The following APBB1IP variants were observed in gnomAD, a reference collection of about 807,000 sequenced individuals.
The protein encoded by APBB1IP is amyloid beta A4 precursor protein-binding family B member 1-interacting protein.
In APBB1IP, 27 loss-of-function variants were observed where a neutral mutation model predicts 64.9. The ratio of observed to expected loss-of-function variants is 0.42; its 90% CI spans 0.31 to 0.57. APBB1IP has a LOEUF of 0.57. Among genes scored for constraint, APBB1IP ranks in the 20% least tolerant of loss-of-function variants. The pLI, the probability that APBB1IP is intolerant of heterozygous loss-of-function variation, is 0.20. For missense variants in APBB1IP, 812 were observed against 845.5 expected (o/e 0.96, Z 0.49); for synonymous variants, 392 against 331.0 (o/e 1.18, Z -2.00).
At chr10:26,512,179 T>C (rs936013162) in intron 7 of APBB1IP, among the ~76,000 whole-genome samples, 1 of 152,090 alleles carries the variant, frequency 6.6e-6, no homozygotes, top group African/African-American at 2.4e-5. Context: ...TTCCCTTATA[T>C]GAGATTTAGT....
intron 8 of APBB1IP, among the ~76,000 whole-genome samples, chr10:26,527,994 A>G (rs1836499528): frequency 6.6e-6 from 1 of 151,904 alleles, no homozygotes; most frequent in Admixed American, 6.6e-5. Context: ...GCCTGGCCCC[A>G]CGCCTCTCTT....
chr10:26,458,200 C>A (rs1206542649), intron 2 of APBB1IP, among the ~76,000 whole-genome samples: 1 of 152,132 alleles, frequency 6.6e-6, no homozygotes, highest in Non-Finnish European at 1.5e-5. Flanking sequence ...CTAGCTGGAC[C>A]AACACGGTGA....
chr10:26,567,176 C>T lies in APBB1IP; in HGVS notation c.1689C>T (p.Leu563=). 1 of 1,419,526 alleles carries T rather than the reference C, an allele frequency of 7.0e-7. No homozygotes were observed. Among genetic ancestry groups the T allele is most frequent in the Non-Finnish European group, 9.2e-7 (1 of 1,092,566 alleles). 87.9% of individuals were successfully genotyped at this position (1,419,526 alleles called of 1,614,324 possible). ...CGCCGCCGCCACCGCCGCCGCCCCT[C>T]GATGACCCTGAGCTCCCGCCGCCGC... ...FLPPPPPPPP[L]DDPELPPPPP... Residue 563 remains leucine (L), a synonymous_variant, in exon 15 of 15, where the codon CTC becomes CTT. Transcript: ENST00000376236.
At chr10:26,508,553 T>G (rs996484061) in intron 6 of APBB1IP, among the ~76,000 whole-genome samples, 2 of 152,122 alleles carry the variant, frequency 1.3e-5, no homozygotes, top group Non-Finnish European at 1.5e-5. Flanking sequence ...TTGAATCACT[T>G]TGCCCCATAA....
chr10:26,487,263 C>T (rs1232384676), intron 2 of APBB1IP, among the ~76,000 whole-genome samples: 1 of 151,374 alleles, frequency 6.6e-6, no homozygotes, highest in East Asian at 1.9e-4. Flanking sequence ...TGGAAAATAC[C>T]ACACGTACAT....
chr10:26,468,689 A>G (rs1462528007), intron 2 of APBB1IP, among the ~76,000 whole-genome samples: 2 of 152,204 alleles, frequency 1.3e-5, no homozygotes, highest in African/African-American at 4.8e-5. Flanking sequence ...ACCTAATATA[A>G]CAGTAACTAA....
chr10:26,468,686 A>AT (rs1835675990), intron 2 of APBB1IP, among the ~76,000 whole-genome samples: 1 of 152,216 alleles, frequency 6.6e-6, no homozygotes, highest in African/African-American at 2.4e-5. Context: ...CCAACCTAAT[A>AT]TAACAGTAAC....
At chr10:26,465,252 A>C (rs975609001) in intron 2 of APBB1IP, among the ~76,000 whole-genome samples, 1 of 152,216 alleles carries the variant, frequency 6.6e-6, no homozygotes, top group Non-Finnish European at 1.5e-5. Context: ...GTAGAGCATA[A>C]AATGTGATCA....
chr10:26,488,828 C>T lies in APBB1IP; in HGVS notation c.1-3499C>T, dbSNP rs141564835. Among the ~76,000 whole-genome samples the T allele has an allele frequency of 1.7e-3, 260 of 152,340 alleles. 2 individuals are homozygous for T. The highest frequency in any genetic ancestry group is 5.7e-3 in the African/African-American group (237 of 41,568). ...CCTTCGGTGTTTTTCTCACCTGTTGCTTCTATACCTGGGTGCTCACCTGCC... is the reference window on the plus strand; with the variant it reads ...CCTTCGGTGTTTTTCTCACCTGTTGTTTCTATACCTGGGTGCTCACCTGCC... On this transcript the variant is annotated intron_variant, in intron 2 of 14. Coordinates refer to ENST00000376236, the MANE Select transcript of APBB1IP (RefSeq NM_019043.4).
chr10:26,439,094 G>T (rs1271293271), intron 2 of APBB1IP, among the ~76,000 whole-genome samples: 3 of 152,160 alleles, frequency 2.0e-5, no homozygotes, highest in Admixed American at 6.5e-5. Context: ...TGGGGTTCGG[G>T]TTTGCTTTTT....
intron 4 of APBB1IP, among the ~76,000 whole-genome samples, chr10:26,498,755 C>A (rs1002210254): frequency 6.6e-6 from 1 of 151,978 alleles, no homozygotes; most frequent in African/African-American, 2.4e-5. Context: ...GCAATGATAC[C>A]CAGCAAGATA....
chr10:26,513,928 G>T (rs1356285791), intron 8 of APBB1IP, among the ~76,000 whole-genome samples: 1 of 152,162 alleles, frequency 6.6e-6, no homozygotes, highest in African/African-American at 2.4e-5. Flanking sequence ...TAGAGACAGG[G>T]TTTCACCATG....
rs192163596 is a variant in APBB1IP, at chr10:26,495,032, A to G, written c.73-1272A>G. 3.4e-5 allele frequency among the ~76,000 whole-genome samples: 5 copies of G among 147,036 alleles called. No homozygotes were observed. The East Asian group carries it at 7.9e-4, about 23-fold the overall frequency. ...CTTTTTCTTTTTTTTTTTTTGAGAT[A>G]GAGTCTCACTCTGTCACCAGGCTGG... On this transcript the variant is annotated intron_variant, in intron 3 of 14. Transcript: ENST00000376236.
intron 6 of APBB1IP, among the ~76,000 whole-genome samples, chr10:26,505,677 G>A (rs1455385751): frequency 6.6e-6 from 1 of 151,880 alleles, no homozygotes; most frequent in East Asian, 1.9e-4. Flanking sequence ...ATTTTGCAAG[G>A]AAAATAGACA....
chr10:26,560,839 C>G lies in APBB1IP; in HGVS notation c.1364C>G (p.Ser455Cys). ...TVNAAAPAQP[S>C]TGPKTGTTQP... ...AATGCAGCTGCACCAGCTCAGCCATCTACAGGTACTAAGTGGAGGAGAAAT... is the reference window on the plus strand; with the variant it reads ...AATGCAGCTGCACCAGCTCAGCCATGTACAGGTACTAAGTGGAGGAGAAAT... The change falls in exon 13 of 15, where the codon TCT (serine) becomes TGT (cysteine). Residue 455 changes from serine to cysteine, a missense_variant. Physicochemically the swap from Ser to Cys is moderately radical, Grantham distance 112. Around this residue, in one of 3 missense-constraint regions of APBB1IP, gnomAD observed 381 missense variants for 352.1 expected, o/e 1.08. Coordinates refer to ENST00000376236, the MANE Select transcript of APBB1IP (RefSeq NM_019043.4). 6.3e-7 allele frequency: 1 copy of G among 1,587,432 alleles called. No individual in the cohort carries two copies. The highest frequency in any genetic ancestry group is 8.6e-7 in the Non-Finnish European group (1 of 1,168,566).
intron 2 of APBB1IP, among the ~76,000 whole-genome samples, chr10:26,471,754 G>A (rs529392727): frequency 1.3e-5 from 2 of 152,052 alleles, no homozygotes; most frequent in East Asian, 1.9e-4. Context: ...GCGCAATCTC[G>A]GCTCACTGCA....
intron 11 of APBB1IP, among the ~76,000 whole-genome samples, chr10:26,542,243 G>GC (rs1350704572): frequency 2.0e-5 from 3 of 152,072 alleles, no homozygotes; most frequent in South Asian, 2.1e-4. Context: ...TGCAGCCTCA[G>GC]CCCCCCAGGC....
At chr10:26,476,661 A>G (rs1835779981) in intron 2 of APBB1IP, among the ~76,000 whole-genome samples, 1 of 152,086 alleles carries the variant, frequency 6.6e-6, no homozygotes, top group Admixed American at 6.5e-5. Flanking sequence ...TACACAATGC[A>G]TGTATCACAG....
At chr10:26,524,745 A>C (rs1162603167) in intron 8 of APBB1IP, among the ~76,000 whole-genome samples, 1 of 152,088 alleles carries the variant, frequency 6.6e-6, no homozygotes, top group Non-Finnish European at 1.5e-5. Context: ...GGAATGCCTA[A>C]GTGAAGATAA....
Sources: allele counts gnomAD v4.1 joint callset (sites outside exome capture counted in the v4.1 genomes callset), GRCh38; gene constraint gnomAD v4.1.1; regional missense constraint gnomAD v4.1.1; transcripts MANE v1.5; gene names NCBI Gene and HGNC (gene_info 2026-07-23, HGNC 2026-07-21).